SPIDR: variants seen among roughly 807,000 people sequenced by gnomAD.
SPIDR encodes the protein DNA repair-scaffolding protein.
A neutral mutation model predicts 104.6 loss-of-function variants in SPIDR; 93 were observed. That is an observed-to-expected ratio of 0.89 (90% confidence interval 0.75 to 1.06). The LOEUF (loss-of-function observed/expected upper bound fraction) is 1.06, where lower values mean the gene tolerates loss of function less well. Among genes scored for constraint, SPIDR ranks in the 50% least tolerant of loss-of-function variants. The pLI is 0.00. For missense variants in SPIDR, 1,154 were observed against 1,111.2 expected (o/e 1.04, Z -0.55); for synonymous variants, 431 against 416.9 (o/e 1.03, Z -0.41).
chr8:47,474,151 A>G (rs1554722518), intron 8 of SPIDR, among the ~76,000 whole-genome samples: 1 of 152,174 alleles, frequency 6.6e-6, no homozygotes, highest in Non-Finnish European at 1.5e-5. Context: ...AAACTGACCA[A>G]AAGGAAAAAT....
chr8:47,280,869 C>G (rs1270605335), intron 2 of SPIDR, among the ~76,000 whole-genome samples: 1 of 152,170 alleles, frequency 6.6e-6, no homozygotes, highest in Non-Finnish European at 1.5e-5. Flanking sequence ...CATGCAGAAC[C>G]TTTCTACTTC....
intron 5 of SPIDR, among the ~76,000 whole-genome samples, chr8:47,356,842 A>T (rs1326153585): frequency 2.0e-5 from 3 of 152,218 alleles, no homozygotes; most frequent in Admixed American, 1.3e-4. Flanking sequence ...TGCGTACAGT[A>T]AATGAAGCTG....
intron 14 of SPIDR, among the ~76,000 whole-genome samples, chr8:47,708,474 C>T (rs924267215): frequency 2.0e-5 from 3 of 152,170 alleles, no homozygotes; most frequent in Non-Finnish European, 2.9e-5. Context: ...TTATCAACAT[C>T]CCTACCAGGA....
chr8:47,541,051 G>A (rs1188901645), intron 8 of SPIDR, among the ~76,000 whole-genome samples: 1 of 152,036 alleles, frequency 6.6e-6, no homozygotes, highest in Non-Finnish European at 1.5e-5. Flanking sequence ...ATAGAGGTGG[G>A]GTTTTACCAT....
At chr8:47,438,276 G>T (rs923041898) in intron 7 of SPIDR, among the ~76,000 whole-genome samples, 1 of 152,186 alleles carries the variant, frequency 6.6e-6, no homozygotes, top group African/African-American at 2.4e-5. Flanking sequence ...TTTCAGGCCT[G>T]TGCATTGCTG....
In SPIDR at chr8:47,267,411, A is replaced by G. The variant is rs530583196; in HGVS notation, c.33+6420A>G. ...AATTTTTGGGTCACATAATAACTGT[A>G]TGTTTACATTTTGGATAACTGTTAG... On this transcript the variant is annotated intron_variant, in intron 1 of 19. Transcript: ENST00000297423. Among the ~76,000 whole-genome samples the G allele has an allele frequency of 3.3e-5, 5 of 152,300 alleles. No individual in the cohort carries two copies. The South Asian group carries it at 8.3e-4, about 25-fold the overall frequency.
intron 14 of SPIDR, among the ~76,000 whole-genome samples, chr8:47,702,564 A>G (rs1419863675): frequency 1.3e-5 from 2 of 152,180 alleles, no homozygotes; most frequent in Non-Finnish European, 2.9e-5. Flanking sequence ...GGAGCTTGCT[A>G]TCAATCAACT....
chr8:47,716,461 A>G (rs1327998856), intron 16 of SPIDR, among the ~76,000 whole-genome samples: 2 of 152,144 alleles, frequency 1.3e-5, no homozygotes, highest in Non-Finnish European at 2.9e-5. Context: ...TTTGGGGTTA[A>G]TGCTAACACA....
At chr8:47,673,966 C>T (rs1426695620) in intron 11 of SPIDR, 25 bp downstream of exon 11, 9 of 1,601,734 alleles carry the variant, frequency 5.6e-6, no homozygotes, top group Non-Finnish European at 6.8e-6. Context: ...GAATGGCATC[C>T]AATTTGCTAC....
chr8:47,586,073 C>CT (rs1564401832), intron 8 of SPIDR, among the ~76,000 whole-genome samples: 1 of 152,132 alleles, frequency 6.6e-6, no homozygotes, highest in African/African-American at 2.4e-5. Flanking sequence ...TAGTCTGTTT[C>CT]TTTTTATTGC....
rs554162733 is a variant in SPIDR, at chr8:47,447,258, G to C, written c.1097+6716G>C. Among the ~76,000 whole-genome samples the C allele has an allele frequency of 1.5e-4, 23 of 152,278 alleles. 1 individual carries two copies. The highest frequency in any genetic ancestry group is 1.9e-4 in the Non-Finnish European group (13 of 68,020). On this transcript the variant is annotated intron_variant, in intron 8 of 19. Transcript: ENST00000297423. ...AGACAGAGTCTTGCTCTGTCAGCCA[G>C]GCTGAAGCGCAGTGGCACAGTCTCG... is the stretch of plus-strand genomic sequence containing the variant.
intron 6 of SPIDR, among the ~76,000 whole-genome samples, chr8:47,404,493 C>G (rs782543743): frequency 9.2e-5 from 14 of 152,134 alleles, no homozygotes; most frequent in Non-Finnish European, 1.8e-4. Context: ...AGAACTTAAA[C>G]AAATTTACAA....
intron 6 of SPIDR, among the ~76,000 whole-genome samples, chr8:47,400,501 T>C (rs534260876): frequency 2.4e-4 from 37 of 152,218 alleles, no homozygotes; most frequent in Non-Finnish European, 1.3e-4. Context: ...CTGCTTTTGA[T>C]GAAGGGATGG....
intron 8 of SPIDR, among the ~76,000 whole-genome samples, chr8:47,488,890 A>G (rs539314989): frequency 1.8e-4 from 28 of 152,308 alleles, no homozygotes; most frequent in African/African-American, 6.5e-4. Context: ...CCCACAGCCA[A>G]TATCATACTG....
At chr8:47,348,763 G>A (rs188050281) in intron 5 of SPIDR, among the ~76,000 whole-genome samples, 23 of 152,240 alleles carry the variant, frequency 1.5e-4, no homozygotes, top group Admixed American at 7.2e-4. Flanking sequence ...TTGTGCATGC[G>A]TCACGTAGTT....
At chr8:47,653,895 A>G (rs370213625) in intron 10 of SPIDR, 7 of 895,808 alleles carry the variant, frequency 7.8e-6, no homozygotes, top group Non-Finnish European at 9.4e-6. Context: ...GCAAAGGAAA[A>G]AAAGGAAAAA....
chr8:47,620,275 T>G (rs970807093), intron 10 of SPIDR, among the ~76,000 whole-genome samples: 1 of 1,888 alleles, frequency 5.3e-4, no homozygotes, highest in Non-Finnish European at 1.0e-3. Context: ...ATTTAAACCT[T>G]TTTTTTTTTT....
intron 10 of SPIDR, among the ~76,000 whole-genome samples, chr8:47,661,390 C>T (rs2074080385): frequency 6.6e-6 from 1 of 152,248 alleles, no homozygotes; most frequent in Non-Finnish European, 1.5e-5. Flanking sequence ...TCGCCTGCAG[C>T]CCAAGCCTTA....
intron 1 of SPIDR, among the ~76,000 whole-genome samples, chr8:47,276,266 A>G (rs1335343488): frequency 3.9e-5 from 6 of 152,212 alleles, no homozygotes; most frequent in South Asian, 2.1e-4. Flanking sequence ...AGCTCTAGAT[A>G]TATTCTGTAC....
Sources: gnomAD v4.1 joint callset for allele counts (sites outside exome capture counted in the v4.1 genomes callset) on GRCh38, gnomAD v4.1.1 for gene constraint, MANE v1.5 for transcripts, NCBI Gene and HGNC (gene_info 2026-07-23, HGNC 2026-07-21) for gene names.